TULP4: variants seen among roughly 807,000 people sequenced by gnomAD.
The protein encoded by TULP4 is tubby-related protein 4.
Under a neutral mutation model 129.0 loss-of-function variants are expected in TULP4, and 16 were observed. That is an observed-to-expected ratio of 0.12 (90% confidence interval 0.08 to 0.19). The LOEUF (loss-of-function observed/expected upper bound fraction) is 0.19. TULP4 is among the 10% of genes least tolerant of loss of function. TULP4 has a pLI of 1.00. For synonymous variants in TULP4, 998 were observed against 854.0 expected (o/e 1.17, Z -2.94); for missense variants, 1,842 against 2,059.1 (o/e 0.89, Z 2.04).
chr6:158,489,199 G>A (rs755694207), intron 8 of TULP4, among the ~76,000 whole-genome samples: 1 of 152,204 alleles, frequency 6.6e-6, no homozygotes, highest in African/African-American at 2.4e-5. Flanking sequence ...TCAGAAGCAG[G>A]TTCTCAGGGG....
At chr6:158,371,639 G>C (rs576337138) in intron 1 of TULP4, among the ~76,000 whole-genome samples, 3 of 152,068 alleles carry the variant, frequency 2.0e-5, no homozygotes, top group Non-Finnish European at 4.4e-5. Flanking sequence ...TTATAACAGC[G>C]TCTTTTGTTC....
At chr6:158,451,021 C>T (rs562011211) in intron 4 of TULP4, among the ~76,000 whole-genome samples, 3 of 151,810 alleles carry the variant, frequency 2.0e-5, no homozygotes, top group East Asian at 3.9e-4. Flanking sequence ...GCCAAGATCG[C>T]GCCACTGCAT....
intron 1 of TULP4, among the ~76,000 whole-genome samples, chr6:158,392,507 C>T (rs146121861): frequency 1.6e-4 from 24 of 152,290 alleles, no homozygotes; most frequent in Admixed American, 2.6e-4. Flanking sequence ...CTGATTCTCC[C>T]GGCTTTTTTC....
chr6:158,283,819 C>T (rs1778796309), intron 1 of TULP4, among the ~76,000 whole-genome samples: 1 of 152,146 alleles, frequency 6.6e-6, no homozygotes, highest in South Asian at 2.1e-4. Context: ...CAGCTTCAGC[C>T]TCTCTCTTGT....
chr6:158,502,581 G>A lies in TULP4; in HGVS notation c.2918G>A (p.Gly973Glu), dbSNP rs767700682. 6 of 1,603,282 alleles carry A rather than the reference G, an allele frequency of 3.7e-6. No homozygotes were observed. In the African/African-American group the frequency reaches 8.0e-5, roughly 21 times the overall value. The change falls in exon 13 of 14, where the codon GGG becomes GAG. Residue 973 changes from glycine to glutamate, a missense_variant. Physicochemically the swap from Gly to Glu is moderately conservative, Grantham distance 98 (BLOSUM62 -2). Around this residue, in one of 5 missense-constraint regions of TULP4, gnomAD observed 1,089 missense variants for 987.1 expected, o/e 1.10. Transcript: ENST00000367097. ...GCCAGCCAGCTGGCCCAGGGGCGGG[G>A]GGCTGCCCAGAGGTCCGACAATAGC... is the stretch of plus-strand genomic sequence containing the variant. ...EIASQLAQGR[G>E]AAQRSDNSLI... is the part of the protein sequence containing the mutation.
At chr6:158,438,346 C>T (rs1300682103) in intron 3 of TULP4, among the ~76,000 whole-genome samples, 2 of 139,986 alleles carry the variant, frequency 1.4e-5, no homozygotes, top group African/African-American at 4.9e-5. Flanking sequence ...ATTATCACAC[C>T]TCATCTGTTC....
At chr6:158,421,004 C>T (rs1329456019) in intron 2 of TULP4, among the ~76,000 whole-genome samples, 2 of 152,080 alleles carry the variant, frequency 1.3e-5, no homozygotes, top group African/African-American at 4.8e-5. Context: ...CCAAAGTGGT[C>T]GGGCCGCAGT....
At position 158,502,088 on chromosome 6, in the gene TULP4, C is replaced by A. The variant is rs138229082; in HGVS notation, c.2425C>A (p.Pro809Thr). 3.8e-3 allele frequency: 6,131 copies of A among 1,611,848 alleles called. 27 individuals carry two copies. Among genetic ancestry groups the A allele is most frequent in the Middle Eastern group, 0.018 (106 of 6,046 alleles). The change falls in exon 13 of 14, where the codon CCG becomes ACG. Residue 809 changes from proline (P) to threonine (T), a missense_variant. Coordinates refer to ENST00000367097, the MANE Select transcript of TULP4 (RefSeq NM_020245.5). ...QKSAKALRPT[P>T]QLAAEGDAVV... ...GTCAGCCAAGGCCCTGCGGCCAACA[C>A]CGCAGCTGGCAGCTGAGGGGGACGC...
In TULP4 at chr6:158,502,762, C is replaced by T. The variant is rs1024463499; in HGVS notation, c.3099C>T (p.Ala1033=). 3 of 1,602,442 alleles carry T rather than the reference C, an allele frequency of 1.9e-6. No homozygotes were observed. Among genetic ancestry groups the T allele is most frequent in the Non-Finnish European group, 2.5e-6 (3 of 1,177,508 alleles). ...AGCTCCCAGCGCGGCCCCCACCTGC[C>T]CTGTACACCTGCAGTCAGTGCAGTG... The part of the protein sequence containing the change: ...VTQLPARPPP[A]LYTCSQCSGT... Residue 1033 remains alanine, a synonymous_variant, in exon 13 of 14, where the codon GCC becomes GCT. Transcript: ENST00000367097.
intron 7 of TULP4, 22 bp from the exon 8 acceptor site, chr6:158,481,033 A>G (rs1354629562): frequency 5.9e-6 from 9 of 1,534,394 alleles, no homozygotes; most frequent in Non-Finnish European, 7.9e-6. Context: ...CCAGCTCTTC[A>G]TTTTCTTCCT....
chr6:158,438,492 A>G (rs985295331), intron 3 of TULP4, among the ~76,000 whole-genome samples: 1 of 152,254 alleles, frequency 6.6e-6, no homozygotes, highest in Admixed American at 6.5e-5. Context: ...CGGCATAGTC[A>G]GAAAGGAAAG....
intron 1 of TULP4, among the ~76,000 whole-genome samples, chr6:158,320,728 G>A (rs1441031698): frequency 6.6e-6 from 1 of 152,160 alleles, no homozygotes; most frequent in East Asian, 1.9e-4. Context: ...CACCATGCCC[G>A]GCTAACAGGA....
At chr6:158,294,403 C>A (rs537807062) in intron 1 of TULP4, among the ~76,000 whole-genome samples, 4 of 151,802 alleles carry the variant, frequency 2.6e-5, no homozygotes, top group Non-Finnish European at 5.9e-5. Context: ...AGCAGGTTGT[C>A]ATAGTTACTT....
intron 3 of TULP4, among the ~76,000 whole-genome samples, chr6:158,448,560 C>T (rs1309343621): frequency 2.0e-5 from 3 of 152,138 alleles, no homozygotes; most frequent in Admixed American, 2.0e-4. Context: ...AATGTATTTT[C>T]TCTTTGGTCA....
intron 8 of TULP4, among the ~76,000 whole-genome samples, chr6:158,487,930 T>C (rs1423660325): frequency 6.6e-6 from 1 of 152,214 alleles, no homozygotes; most frequent in Non-Finnish European, 1.5e-5. Flanking sequence ...TTACTTTCCT[T>C]CCCTTGTGGA....
chr6:158,364,495 A>G (rs573229233), intron 1 of TULP4, among the ~76,000 whole-genome samples: 78 of 152,274 alleles, frequency 5.1e-4, no homozygotes, highest in African/African-American at 1.8e-3. Flanking sequence ...TATTTCAGAA[A>G]TATCTTTTGT....
chr6:158,410,318 CTG>C (rs1778066376), intron 1 of TULP4, among the ~76,000 whole-genome samples: 1 of 152,122 alleles, frequency 6.6e-6, no homozygotes, highest in Non-Finnish European at 1.5e-5. Flanking sequence ...CATGCTGTGA[CTG>C]TGCAGCCTTT....
At chr6:158,327,877 T>G (rs2128490482) in intron 1 of TULP4, among the ~76,000 whole-genome samples, 1 of 152,252 alleles carries the variant, frequency 6.6e-6, no homozygotes, top group South Asian at 2.1e-4. Flanking sequence ...TTGGCATCTT[T>G]TGTGTGTGTA....
Position 158,409,294 on chromosome 6 carries a change from T to C in TULP4, c.253-3771T>C, listed in dbSNP as rs557316419. ...AGTAACACTCTAAAATGAGAGAACATGTCTTATATTGGAGAGGGTAATAGG... is the reference window on the plus strand; with the variant it reads ...AGTAACACTCTAAAATGAGAGAACACGTCTTATATTGGAGAGGGTAATAGG... On this transcript the variant is annotated intron_variant, in intron 1 of 13. Transcript: ENST00000367097. 8.5e-5 allele frequency among the ~76,000 whole-genome samples: 13 copies of C among 152,300 alleles called. 1 individual carries two copies. In the South Asian group the frequency reaches 2.7e-3, roughly 32 times the overall value.
Sources: allele counts gnomAD v4.1 joint callset (sites outside exome capture counted in the v4.1 genomes callset), GRCh38; gene constraint gnomAD v4.1.1; regional missense constraint gnomAD v4.1.1; transcripts MANE v1.5; gene names NCBI Gene and HGNC (gene_info 2026-07-23, HGNC 2026-07-21).